The following SLC12A1 variants were observed in gnomAD, a reference collection of about 807,000 sequenced individuals.
SLC12A1 encodes the protein solute carrier family 12 member 1.
A neutral mutation model predicts 130.4 loss-of-function variants in SLC12A1; 89 were observed. That is an observed-to-expected ratio of 0.68 (90% CI 0.58 to 0.81). SLC12A1 has a LOEUF of 0.81. Among genes scored for constraint, SLC12A1 ranks in the 40% least tolerant of loss-of-function variants. SLC12A1 has a pLI of 0.00. For missense variants in SLC12A1, 1,310 were observed against 1,336.4 expected (o/e 0.98, Z 0.31); for synonymous variants, 499 against 460.0 (o/e 1.08, Z -1.09).
intron 13 of SLC12A1, among the ~76,000 whole-genome samples, chr15:48,249,062 T>A (rs1031465099): frequency 2.0e-5 from 3 of 151,994 alleles, no homozygotes; most frequent in Non-Finnish European, 4.4e-5. Flanking sequence ...AATAATAATA[T>A]TTTGGCTAGC....
intron 15 of SLC12A1, among the ~76,000 whole-genome samples, chr15:48,254,159 T>C (rs925025715): frequency 6.6e-6 from 1 of 152,110 alleles, no homozygotes; most frequent in Non-Finnish European, 1.5e-5. Context: ...ATTTATCTTT[T>C]TTTTTTAATG....
chr15:48,244,257 G>T (rs1597422215), intron 10 of SLC12A1, among the ~76,000 whole-genome samples: 1 of 152,134 alleles, frequency 6.6e-6, no homozygotes, highest in East Asian at 1.9e-4. Context: ...CGCATATAAT[G>T]TAGAACTGTA....
chr15:48,240,690 A>T (rs2041505859), intron 9 of SLC12A1, among the ~76,000 whole-genome samples: 1 of 152,176 alleles, frequency 6.6e-6, no homozygotes, highest in African/African-American at 2.4e-5. Context: ...TCTTCAATTC[A>T]ATATTTATTG....
chr15:48,219,260 G>T (rs910065655), intron 2 of SLC12A1, among the ~76,000 whole-genome samples: 2 of 152,154 alleles, frequency 1.3e-5, no homozygotes, highest in African/African-American at 2.4e-5. Context: ...TAGAAAACTT[G>T]TCGGCCGGGT....
intron 10 of SLC12A1, 48 bp from the exon 11 acceptor site, chr15:48,244,705 G>A (rs1297468589): frequency 6.2e-7 from 1 of 1,600,536 alleles, no homozygotes; most frequent in Non-Finnish European, 8.5e-7. Flanking sequence ...AAAACCGTAA[G>A]GGACCAGAAC....
At chr15:48,252,037 T>C (rs1184346318) in intron 15 of SLC12A1, among the ~76,000 whole-genome samples, 2 of 152,050 alleles carry the variant, frequency 1.3e-5, no homozygotes, top group African/African-American at 4.8e-5. Flanking sequence ...ACCCCATCTC[T>C]ACTAAAAATA....
intron 25 of SLC12A1, 104 bp downstream of exon 25, chr15:48,299,379 A>C: frequency 2.4e-5 from 24 of 997,692 alleles, no homozygotes; most frequent in East Asian, 9.2e-5. Flanking sequence ...ATCAAATGTC[A>C]TTATTCAAGA....
chr15:48,291,720 C>G, intron 23 of SLC12A1, 58 bp from the exon 24 acceptor site: 1 of 1,071,942 alleles, frequency 9.3e-7, no homozygotes, highest in East Asian at 2.6e-5. Context: ...ACAAAAAACT[C>G]TTTGATTGAA....
At chr15:48,266,948 C>A (rs1308559827) in intron 17 of SLC12A1, among the ~76,000 whole-genome samples, 1 of 152,174 alleles carries the variant, frequency 6.6e-6, no homozygotes, top group Non-Finnish European at 1.5e-5. Context: ...GGTACGTAAA[C>A]CTTTGTTCCC....
intron 23 of SLC12A1, among the ~76,000 whole-genome samples, chr15:48,290,515 G>A (rs2042108125): frequency 6.6e-6 from 1 of 152,172 alleles, no homozygotes; most frequent in Non-Finnish European, 1.5e-5. Flanking sequence ...GACTGGCAGT[G>A]CAGTTGGTTT....
Position 48,210,999 on chromosome 15 carries a change from C to A in SLC12A1, c.420+2860C>A, listed in dbSNP as rs561107746. On this transcript the variant is annotated intron_variant, in intron 2 of 26. Coordinates refer to ENST00000380993, the MANE Select transcript of SLC12A1 (RefSeq NM_000338.3). ...TAAAATGAAACTAAAGACTGAACTTCGACTTAAAGCATTTTTTTTCTTAGA... is the reference window on the plus strand; with the variant it reads ...TAAAATGAAACTAAAGACTGAACTTAGACTTAAAGCATTTTTTTTCTTAGA... Among the ~76,000 whole-genome samples the A allele has an allele frequency of 3.3e-5, 5 of 152,156 alleles. No individual in the cohort carries two copies. The South Asian group carries it at 1.0e-3, about 32-fold the overall frequency.
chr15:48,222,869 G>A (rs1380550051), intron 4 of SLC12A1: 1 of 152,208 alleles, frequency 6.6e-6, no homozygotes, highest in African/African-American at 2.4e-5. Context: ...TCTGGAGCCA[G>A]GAGTAACAGT....
chr15:48,301,580 T>C (rs1405302627), intron 26 of SLC12A1, among the ~76,000 whole-genome samples, 198 bp downstream of exon 26: 1 of 150,368 alleles, frequency 6.7e-6, no homozygotes, highest in East Asian at 2.0e-4. Flanking sequence ...CTCAGGCCCA[T>C]GAGCATCAGA....
rs543658303 is a variant in SLC12A1, at chr15:48,241,481, T to C, written c.1216-34T>C. On this transcript the variant is annotated intron_variant, in intron 9 of 26. Coordinates refer to ENST00000380993, the MANE Select transcript of SLC12A1 (RefSeq NM_000338.3). ...GTGATCTATGGTTCTTATTCTGCTCTGTATTCTTCTACCTCCACATTATTT... is the reference window on the plus strand; with the variant it reads ...GTGATCTATGGTTCTTATTCTGCTCCGTATTCTTCTACCTCCACATTATTT... The C allele has an allele frequency of 3.5e-5, 51 of 1,459,476 alleles. No individual in the cohort carries two copies. In the East Asian group the frequency reaches 1.1e-3, roughly 30 times the overall value. The allele number at this position is 1,459,476 out of a possible 1,614,324, so 90.4% of individuals were successfully genotyped here.
At chr15:48,220,881 C>T (rs747751474) in intron 3 of SLC12A1, 40 bp from the exon 4 acceptor site, 7 of 1,611,794 alleles carry the variant, frequency 4.3e-6, no homozygotes, top group Admixed American at 1.7e-5. Flanking sequence ...GTCCCACTAT[C>T]GTTTGTCCTG....
chr15:48,262,281 G>A (rs1403757526), intron 17 of SLC12A1, among the ~76,000 whole-genome samples: 1 of 152,144 alleles, frequency 6.6e-6, no homozygotes, highest in East Asian at 1.9e-4. Context: ...AGCTATTGAA[G>A]TACTTGCTTT....
At chr15:48,271,390 A>G (rs930686893) in intron 19 of SLC12A1, among the ~76,000 whole-genome samples, 1 of 152,184 alleles carries the variant, frequency 6.6e-6, no homozygotes, top group African/African-American at 2.4e-5. Context: ...TACAGGGTAC[A>G]TGACATACCC....
chr15:48,247,992 A>G lies in SLC12A1; in HGVS notation c.1684+532A>G, dbSNP rs150949307. 4.6e-5 allele frequency among the ~76,000 whole-genome samples: 7 copies of G among 152,324 alleles called. No homozygotes were observed. The East Asian group carries it at 1.2e-3, about 25-fold the overall frequency. On this transcript the variant is annotated intron_variant, in intron 13 of 26. Coordinates refer to ENST00000380993, the MANE Select transcript of SLC12A1 (RefSeq NM_000338.3). ...TGGCATTTGAGAATCACTTACCTAG[A>G]CTATAATCTTGGCTTCCTCTCCCCA...
rs116474761 is a variant in SLC12A1, at chr15:48,274,940, G to A, written c.2485+287G>A. On this transcript the variant is annotated intron_variant, in intron 20 of 26. Coordinates refer to ENST00000380993, the MANE Select transcript of SLC12A1 (RefSeq NM_000338.3). ...AGCATCAAGGAAAATAAACACCTTC[G>A]GTAAAATAACCTGCCAAATTAATTT... Among the ~76,000 whole-genome samples the A allele has an allele frequency of 1.4e-3, 209 of 152,176 alleles. 1 individual carries two copies. Among genetic ancestry groups the A allele is most frequent in the African/African-American group, 4.8e-3 (201 of 41,518 alleles).
Sources: gnomAD v4.1 joint callset for allele counts (sites outside exome capture counted in the v4.1 genomes callset) on GRCh38, gnomAD v4.1.1 for gene constraint, MANE v1.5 for transcripts, NCBI Gene and HGNC (gene_info 2026-07-23, HGNC 2026-07-21) for gene names.